The following ITGAM variants were observed in gnomAD, a reference collection of about 807,000 sequenced individuals.
ITGAM encodes integrin alpha-M.
A neutral mutation model predicts 137.5 loss-of-function variants in ITGAM; 79 were observed. The ratio of observed to expected loss-of-function variants is 0.57; its 90% CI spans 0.48 to 0.69. The LOEUF (loss-of-function observed/expected upper bound fraction) is 0.69, where lower values mean the gene tolerates loss of function less well. Among genes scored for constraint, ITGAM ranks in the 30% least tolerant of loss-of-function variants. ITGAM has a pLI of 0.00. For synonymous variants in ITGAM, 583 were observed against 592.3 expected (o/e 0.98, Z 0.23); for missense variants, 1,343 against 1,483.5 (o/e 0.91, Z 1.56).
chr16:31,279,220 C>T (rs1260363609), intron 12 of ITGAM, among the ~76,000 whole-genome samples: 1 of 152,134 alleles, frequency 6.6e-6, no homozygotes, highest in Non-Finnish European at 1.5e-5. Flanking sequence ...GCCTTTATAG[C>T]AGCATGATTT....
intron 16 of ITGAM, among the ~76,000 whole-genome samples, chr16:31,323,338 G>A (rs1479398159): frequency 5.9e-5 from 9 of 151,596 alleles, no homozygotes; most frequent in Non-Finnish European, 1.3e-4. Context: ...GCTGAAGCAG[G>A]AGAATTGAAC....
At chr16:31,313,998 CAT>C (rs1240191923) in intron 14 of ITGAM, among the ~76,000 whole-genome samples, 1 of 149,944 alleles carries the variant, frequency 6.7e-6, no homozygotes, top group East Asian at 1.9e-4. Context: ...TTTTTTTTTT[CAT>C]ATGTTTGTTG....
At position 31,275,658 on chromosome 16, in the gene ITGAM, C is replaced by A; in HGVS notation, c.968C>A (p.Thr323Asn). ...GTGAATAACTTTGAGGCTCTGAAGA[C>A]CATTCAGAACCAGCTTCGGGAGAAG... is the stretch of plus-strand genomic sequence containing the variant. ...FQVNNFEALK[T>N]IQNQLREKIF... Residue 323 changes from threonine (T) to asparagine (N), a missense_variant, in exon 9 of 30, where the codon ACC becomes AAC. Coordinates refer to ENST00000544665, the MANE Select transcript of ITGAM (RefSeq NM_000632.4). 1.2e-6 allele frequency: 2 copies of A among 1,613,848 alleles called. No homozygotes were observed. The highest frequency in any genetic ancestry group is 2.2e-5 in the South Asian group (2 of 91,086).
intron 5 of ITGAM, among the ~76,000 whole-genome samples, chr16:31,267,516 C>T (rs1052523330): frequency 6.6e-6 from 1 of 152,152 alleles, no homozygotes; most frequent in African/African-American, 2.4e-5. Context: ...TCTCAAATTT[C>T]CATAATGACA....
intron 14 of ITGAM, among the ~76,000 whole-genome samples, chr16:31,307,008 A>G (rs1334749867): frequency 6.6e-6 from 1 of 152,162 alleles, no homozygotes; most frequent in African/African-American, 2.4e-5. Context: ...TCACAAAAGA[A>G]AAAAAGAAAA....
At chr16:31,327,686 T>C (rs1182651875) in intron 22 of ITGAM, among the ~76,000 whole-genome samples, 1 of 151,966 alleles carries the variant, frequency 6.6e-6, no homozygotes, top group Admixed American at 6.6e-5. Context: ...AGGGCGGGCA[T>C]GAAGACAGAA....
chr16:31,287,385 G>A (rs1357874514), intron 12 of ITGAM, among the ~76,000 whole-genome samples: 3 of 152,120 alleles, frequency 2.0e-5, no homozygotes, highest in African/African-American at 7.2e-5. Context: ...TTTTAGAATA[G>A]TTTTTTCTAT....
At chr16:31,271,817 C>T (rs772756210) in intron 6 of ITGAM, 30 bp from the exon 7 acceptor site, 8 of 1,613,166 alleles carry the variant, frequency 5.0e-6, no homozygotes, top group African/African-American at 1.3e-5. Flanking sequence ...GGCACCTTCT[C>T]CAGCATCACA....
intron 5 of ITGAM, among the ~76,000 whole-genome samples, chr16:31,266,499 T>C (rs2079769721): frequency 6.6e-6 from 1 of 151,032 alleles, no homozygotes; most frequent in Admixed American, 6.6e-5. Flanking sequence ...GGTGGGAAGA[T>C]TGCTTGAGGC....
intron 12 of ITGAM, among the ~76,000 whole-genome samples, chr16:31,288,941 G>A: frequency 6.6e-6 from 1 of 152,180 alleles, no homozygotes; most frequent in African/African-American, 2.4e-5. Context: ...ACAAGTGGGT[G>A]AAGGATATTA....
rs1331574894 is a variant in ITGAM, at chr16:31,324,038, AAAGG to A, written c.2003-349_2003-346del. On this transcript the variant is annotated intron_variant, in intron 16 of 29. Transcript: ENST00000544665. This position sits in a 1 kb window ranked among gnomAD's most constrained non-coding sequence, Gnocchi z 4.5. ...AAAAAAGAAAATAAAAAATAAAAAG[AAAGG>A]AAGGAAGGAAGAAGGGAAGGAAGGA... 2.6e-5 allele frequency among the ~76,000 whole-genome samples: 4 copies of A among 151,372 alleles called. No individual in the cohort carries two copies. Among genetic ancestry groups the A allele is most frequent in the Non-Finnish European group, 5.9e-5 (4 of 67,864 alleles).
chr16:31,328,870 A>G, intron 23 of ITGAM: 2 of 387,794 alleles, frequency 5.2e-6, no homozygotes, highest in Non-Finnish European at 9.4e-6. Context: ...GTCTATGTGC[A>G]TGTATGTGTG....
At position 31,331,887 on chromosome 16, in the gene ITGAM, GTGTGCACA is replaced by G. The variant is rs2080590234; in HGVS notation, c.*185_*192del. 3 of 554,162 alleles carry G rather than the reference GTGTGCACA, an allele frequency of 5.4e-6. No homozygotes were observed. The highest frequency in any genetic ancestry group is 6.4e-6 in the Non-Finnish European group (2 of 314,372). 34.3% of individuals were successfully genotyped at this position (554,162 alleles called of 1,614,324 possible). A position where few individuals can be genotyped will look rare whatever the true frequency, so the allele number is the denominator to read the frequency against. On this transcript the variant is annotated 3_prime_UTR_variant, in exon 30 of 30. Transcript: ENST00000544665. Reference sequence around the variant, plus strand: ...TGTGTGCAAGTGTCTGTGTGCAAGTGTGTGCACATGTGTGCGTGTGCGTGCATGTGCAC... The same window carrying G: ...TGTGTGCAAGTGTCTGTGTGCAAGTGTGTGTGCGTGTGCGTGCATGTGCAC...
chr16:31,306,392 T>C (rs1175542842), intron 14 of ITGAM, among the ~76,000 whole-genome samples: 1 of 152,100 alleles, frequency 6.6e-6, no homozygotes, highest in Admixed American at 6.6e-5. Flanking sequence ...AAAGTTTGAG[T>C]TTTAAACTGA....
chr16:31,276,479 A>T (rs906809387), intron 9 of ITGAM, among the ~76,000 whole-genome samples, 192 bp from the exon 10 acceptor site: 1 of 151,884 alleles, frequency 6.6e-6, no homozygotes, highest in Non-Finnish European at 1.5e-5. Flanking sequence ...TTACAGGCGC[A>T]TACCACCACG....
intron 12 of ITGAM, among the ~76,000 whole-genome samples, chr16:31,286,349 T>G (rs2080029609): frequency 6.6e-6 from 1 of 152,240 alleles, no homozygotes; most frequent in Non-Finnish European, 1.5e-5. Context: ...TATTTTCTTT[T>G]GGATATATGG....
intron 12 of ITGAM, among the ~76,000 whole-genome samples, chr16:31,297,120 C>A (rs889827545): frequency 6.6e-6 from 1 of 152,088 alleles, no homozygotes; most frequent in Non-Finnish European, 1.5e-5. Flanking sequence ...TCACTCACTG[C>A]CCATTGACTC....
chr16:31,264,321 C>T (rs2079739644), intron 2 of ITGAM, among the ~76,000 whole-genome samples: 1 of 152,014 alleles, frequency 6.6e-6, no homozygotes. Flanking sequence ...GTGGCACACA[C>T]CTGTAATCCC....
At chr16:31,297,477 G>A in intron 12 of ITGAM, 37 bp from the exon 13 acceptor site, 9 of 1,611,146 alleles carry the variant, frequency 5.6e-6, no homozygotes, top group Non-Finnish European at 7.6e-6. Context: ...TGCTTTAGGT[G>A]GGAAGAGGTG....
Sources: gnomAD v4.1 joint callset for allele counts (sites outside exome capture counted in the v4.1 genomes callset) on GRCh38, gnomAD v4.1.1 for gene constraint, Gnocchi (gnomAD v3.1) non-coding constraint, MANE v1.5 for transcripts, NCBI Gene and HGNC (gene_info 2026-07-23, HGNC 2026-07-21) for gene names.